DPP9: variants seen among roughly 807,000 people sequenced by gnomAD.
The protein encoded by DPP9 is dipeptidyl peptidase IV-related protein-2.
A neutral mutation model predicts 110.7 loss-of-function variants in DPP9; 50 were observed. The observed-to-expected ratio is 0.45, with a 90% confidence interval of 0.36 to 0.57. The LOEUF (loss-of-function observed/expected upper bound fraction) is 0.57, where lower values mean the gene tolerates loss of function less well. Among genes scored for constraint, DPP9 ranks in the 20% least tolerant of loss-of-function variants. The pLI is 0.00. For missense variants in DPP9, 1,022 were observed against 1,217.9 expected (o/e 0.84, Z 2.39); for synonymous variants, 561 against 514.4 (o/e 1.09, Z -1.23).
chr19:4,702,559 GA>G (rs746974725), intron 8 of DPP9, 43 bp downstream of exon 8: 3 of 1,469,658 alleles, frequency 2.0e-6, no homozygotes, highest in Non-Finnish European at 2.8e-6. Context: ...ATTCCAGGAG[GA>G]AAAGCACGCC....
intron 4 of DPP9, among the ~76,000 whole-genome samples, chr19:4,712,995 C>T (rs1033073068): frequency 2.0e-5 from 3 of 152,196 alleles, no homozygotes; most frequent in Non-Finnish European, 4.4e-5. Context: ...ATGAGTGCAG[C>T]GGTCTGGACA....
chr19:4,713,911 T>C (rs1368580796), intron 4 of DPP9, among the ~76,000 whole-genome samples, 170 bp downstream of exon 4: 1 of 150,782 alleles, frequency 6.6e-6, no homozygotes, highest in African/African-American at 2.4e-5. Flanking sequence ...GCGGCAGCCC[T>C]TCCCTGTAGT....
rs777352101 is a variant in DPP9, at chr19:4,689,554, G to A, written c.1749+16C>T. Reference sequence around the variant, plus strand: ...GGACGGGCACAGGGCGGTGCCGTGAGGCTGGGCGGTCCCACCTGGCTCATG... The same window carrying A: ...GGACGGGCACAGGGCGGTGCCGTGAAGCTGGGCGGTCCCACCTGGCTCATG... On this transcript the variant is annotated intron_variant, in intron 15 of 21. Transcript: ENST00000262960. The surrounding 1 kb of genome is among the most constrained non-coding windows in gnomAD (Gnocchi z 7.0). 1.9e-6 allele frequency: 3 copies of A among 1,549,182 alleles called. No individual in the cohort carries two copies. In the East Asian group the frequency reaches 7.3e-5, roughly 37 times the overall value.
At position 4,719,592 on chromosome 19, in the gene DPP9, G is replaced by T. The variant is rs182464438; in HGVS notation, c.56+259C>A. 1.0e-3 allele frequency: 564 copies of T among 544,896 alleles called. 1 individual carries two copies. Among genetic ancestry groups the T allele is most frequent in the African/African-American group, 9.6e-3 (506 of 52,802 alleles). The allele number at this position is 544,896 out of a possible 1,614,324, so 33.8% of individuals were successfully genotyped here. A position where few individuals can be genotyped will look rare whatever the true frequency, so the allele number is the denominator to read the frequency against. ...TGGCATGAAGTGGGTGGAGGCCAGG[G>T]ACGCTGCTCAGCACCGTGAAGTGCC... On this transcript the variant is annotated intron_variant, in intron 3 of 21. Transcript: ENST00000262960.
At chr19:4,683,182 T>C (rs1412187381) in intron 19 of DPP9, 1 of 1,433,638 alleles carries the variant, frequency 7.0e-7, no homozygotes, top group Admixed American at 2.6e-5. Context: ...CTGCACACCA[T>C]GCCCCACCTC....
chr19:4,695,889 TTTTA>T lies in DPP9; in HGVS notation c.1176-338_1176-335del, dbSNP rs769995900. Among the ~76,000 whole-genome samples, 4 of 152,188 alleles carry T rather than the reference TTTTA, an allele frequency of 2.6e-5. No individual in the cohort carries two copies. Among genetic ancestry groups the T allele is most frequent in the African/African-American group, 4.8e-5 (2 of 41,454 alleles). The stretch of plus-strand genomic sequence containing the variant: ...ATCCTTTATTTCGTAGTTTGCTTTA[TTTTA>T]TTTATTTATTTCTTTATTTAATTTT... On this transcript the variant is annotated intron_variant, in intron 11 of 21. Transcript: ENST00000262960. The surrounding 1 kb of genome is among the most constrained non-coding windows in gnomAD (Gnocchi z 4.7).
rs1455119453 is a variant in DPP9, at chr19:4,682,779, C to G, written c.2391G>C (p.Glu797Asp). The G allele has an allele frequency of 6.2e-7, 1 of 1,602,884 alleles. No homozygotes were observed. Among genetic ancestry groups the G allele is most frequent in the Non-Finnish European group, 8.5e-7 (1 of 1,175,142 alleles). The change falls in exon 20 of 22, where the codon GAG (glutamate) becomes GAC (aspartate). Residue 797 changes from glutamate (E) to aspartate (D), a missense_variant. Glu to Asp is a conservative substitution (Grantham distance 45). Coordinates refer to ENST00000262960, the MANE Select transcript of DPP9 (RefSeq NM_139159.5). The surrounding 1 kb of genome is among the most constrained non-coding windows in gnomAD (Gnocchi z 7.1). ...VWMAYDTGYTERYMDVPENNQ... is the reference protein window; with the variant it reads ...VWMAYDTGYTDRYMDVPENNQ... ...TGTTCTCAGGGACGTCCATGTAGCG[C>G]TCAGTGTACCCTGTGTCGTAGGCCA... is the stretch of plus-strand genomic sequence containing the variant.
rs143259273 is a variant in DPP9, at chr19:4,710,888, C to A, written c.313+3193G>T. Among the ~76,000 whole-genome samples the A allele has an allele frequency of 3.1e-3, 465 of 152,306 alleles. 2 individuals carry two copies. Among genetic ancestry groups the A allele is most frequent in the Admixed American group, 9.3e-3 (142 of 15,304 alleles). On this transcript the variant is annotated intron_variant, in intron 4 of 21. Coordinates refer to ENST00000262960, the MANE Select transcript of DPP9 (RefSeq NM_139159.5). The surrounding 1 kb of genome is among the most constrained non-coding windows in gnomAD (Gnocchi z 5.6). ...TTCTGGGGTTTCTGCCAAGTTCATG[C>A]CCACTGGGGTGGGCCCTCAGCACCT...
At position 4,682,306 on chromosome 19, in the gene DPP9, C is replaced by A. The variant is rs1247776726; in HGVS notation, c.2474+390G>T. On this transcript the variant is annotated intron_variant, in intron 20 of 21. Coordinates refer to ENST00000262960, the MANE Select transcript of DPP9 (RefSeq NM_139159.5). This position sits in a 1 kb window ranked among gnomAD's most constrained non-coding sequence, Gnocchi z 7.1. ...TGGGACATCTGAGCTGGTCCCTGGC[C>A]CTGTGGACATCTATGTCCTGAAGCA... Among the ~76,000 whole-genome samples, 1 of 152,194 alleles carries A rather than the reference C, an allele frequency of 6.6e-6. No individual in the cohort carries two copies. The highest frequency in any genetic ancestry group is 1.5e-5 in the Non-Finnish European group (1 of 68,034).
chr19:4,719,633 C>T (rs979222144), intron 3 of DPP9: 34 of 614,626 alleles, frequency 5.5e-5, no homozygotes, highest in Admixed American at 1.4e-4. Context: ...TGGCCCCACC[C>T]CAGAGAACAT....
At chr19:4,683,735 A>G in intron 18 of DPP9, 106 bp from the exon 19 acceptor site, 1 of 1,607,844 alleles carries the variant, frequency 6.2e-7, no homozygotes, top group Non-Finnish European at 8.5e-7. Context: ...TTGGATGAAA[A>G]GTGGCTCGCT....
At chr19:4,711,370 C>G (rs575724760) in intron 4 of DPP9, among the ~76,000 whole-genome samples, 1 of 152,144 alleles carries the variant, frequency 6.6e-6, no homozygotes, top group East Asian at 1.9e-4. Flanking sequence ...GTGGAGGCTA[C>G]GTTACACAGA....
chr19:4,708,799 G>A (rs2092703042), intron 4 of DPP9, among the ~76,000 whole-genome samples: 1 of 152,204 alleles, frequency 6.6e-6, no homozygotes, highest in Non-Finnish European at 1.5e-5. Context: ...GGAGGGTGGA[G>A]GGGGAGCAGC....
At chr19:4,697,709 G>A in intron 10 of DPP9, 58 bp from the exon 11 acceptor site, 1 of 1,469,670 alleles carries the variant, frequency 6.8e-7, no homozygotes, top group East Asian at 2.3e-5. Context: ...CTGCTCGGAG[G>A]AGAAGGCCAC....
Position 4,685,835 on chromosome 19 carries a change from C to T in DPP9, c.1886-64G>A, listed in dbSNP as rs1219781088. ...GCCACATCCAGCTGACACCCTTGTT[C>T]TCCTGCCCACCCCAAGCCTTGGAGG... On this transcript the variant is annotated intron_variant, in intron 16 of 21. Coordinates refer to ENST00000262960, the MANE Select transcript of DPP9 (RefSeq NM_139159.5). The surrounding 1 kb of genome is among the most constrained non-coding windows in gnomAD (Gnocchi z 5.8). 4 of 1,575,428 alleles carry T rather than the reference C, an allele frequency of 2.5e-6. No homozygotes were observed. The highest frequency in any genetic ancestry group is 3.4e-6 in the Non-Finnish European group (4 of 1,160,082).
Position 4,702,141 on chromosome 19 carries a change from T to G in DPP9, c.898A>C (p.Lys300Gln). Reference sequence around the variant, plus strand: ...TCCTCATACAGGATTCGCAGCGTCTTGAGGCCCTCTGAACCTTGGGTGGGG... The same window carrying G: ...TCCTCATACAGGATTCGCAGCGTCTGGAGGCCCTCTGAACCTTGGGTGGGG... ...TASWEGSEGL[K>Q]TLRILYEEVD... Residue 300 changes from lysine (K) to glutamine (Q), a missense_variant, in exon 9 of 22, where the codon AAG (lysine) becomes CAG (glutamine). Lys to Gln is a moderately conservative substitution (Grantham distance 53). Coordinates refer to ENST00000262960, the MANE Select transcript of DPP9 (RefSeq NM_139159.5). The G allele has an allele frequency of 1.9e-6, 3 of 1,612,728 alleles. No homozygotes were observed. Among genetic ancestry groups the G allele is most frequent in the East Asian group, 2.2e-5 (1 of 44,882 alleles).
In DPP9 at chr19:4,702,163, G is replaced by T. The variant is rs749166821; in HGVS notation, c.884-8C>A. ...TCTTGAGGCCCTCTGAACCTTGGGT[G>T]GGGTGGTGGAAAAACTGCTGAGGGT... On this transcript the variant is annotated splice_region_variant and splice_polypyrimidine_tract_variant and intron_variant, in intron 8 of 21. Transcript: ENST00000262960. The T allele has an allele frequency of 7.5e-6, 12 of 1,605,428 alleles. No homozygotes were observed. The Admixed American group carries it at 8.5e-5, about 11-fold the overall frequency.
chr19:4,707,974 C>T (rs1317580412), intron 4 of DPP9, among the ~76,000 whole-genome samples: 1 of 152,144 alleles, frequency 6.6e-6, no homozygotes, highest in Non-Finnish European at 1.5e-5. Flanking sequence ...CTCGCCGCCT[C>T]TGGGATTAGT....
At chr19:4,677,382 C>T (rs2089009816) in intron 21 of DPP9, among the ~76,000 whole-genome samples, 1 of 152,098 alleles carries the variant, frequency 6.6e-6, no homozygotes, top group Non-Finnish European at 1.5e-5. Flanking sequence ...CAAAGAACCC[C>T]GGGGCTGGCC....
Sources: gnomAD v4.1 joint callset for allele counts (sites outside exome capture counted in the v4.1 genomes callset) on GRCh38, gnomAD v4.1.1 for gene constraint, Gnocchi (gnomAD v3.1) non-coding constraint, MANE v1.5 for transcripts, NCBI Gene and HGNC (gene_info 2026-07-23, HGNC 2026-07-21) for gene names.